The following ATXN1 variants were observed in gnomAD, a reference collection of about 807,000 sequenced individuals.
The protein encoded by ATXN1 is ataxin 1, also known as ataxin-1.
Under a neutral mutation model 56.4 loss-of-function variants are expected in ATXN1, and 8 were observed. That is an observed-to-expected ratio of 0.14 (90% CI 0.08 to 0.26). The LOEUF is 0.26. Among genes scored for constraint, ATXN1 ranks in the 10% least tolerant of loss-of-function variants. The pLI is 1.00. For synonymous variants in ATXN1, 514 were observed against 494.6 expected (o/e 1.04, Z -0.52); for missense variants, 987 against 1,106.5 (o/e 0.89, Z 1.53).
At chr6:16,409,676 C>T (rs1462280268) in intron 6 of ATXN1, among the ~76,000 whole-genome samples, 1 of 148,938 alleles carries the variant, frequency 6.7e-6, no homozygotes, top group African/African-American at 2.5e-5. Context: ...AAAAAGAACT[C>T]GACTTGCCGT....
chr6:16,550,682 T>G (rs11754856), intron 4 of ATXN1, among the ~76,000 whole-genome samples: 18,507 of 152,190 alleles, frequency 0.12, 1,176 homozygotes, highest in African/African-American at 0.15. Context: ...ACACAGCTAA[T>G]AAACCACAGA....
At chr6:16,703,570 A>G (rs1581379094) in intron 2 of ATXN1, among the ~76,000 whole-genome samples, 1 of 152,214 alleles carries the variant, frequency 6.6e-6, no homozygotes, top group East Asian at 1.9e-4. Flanking sequence ...CATGTAAACA[A>G]AAGACTTGGA....
At chr6:16,474,666 T>C (rs571623566) in intron 6 of ATXN1, among the ~76,000 whole-genome samples, 1 of 152,344 alleles carries the variant, frequency 6.6e-6, no homozygotes, top group South Asian at 2.1e-4. Context: ...AAAGCTTCCC[T>C]GATCCCAGAA....
chr6:16,518,032 G>T lies in ATXN1; in HGVS notation c.-299+4595C>A, dbSNP rs555123382. Among the ~76,000 whole-genome samples, 114 of 152,320 alleles carry T rather than the reference G, an allele frequency of 7.5e-4. No individual in the cohort carries two copies. In the Middle Eastern group the frequency reaches 0.01, roughly 14 times the overall value. ...TGGGATACATGCAGTCCATGAGACC[G>T]ACAAGGCTTTTGCTTCCACTGAGCT... On this transcript the variant is annotated intron_variant, in intron 5 of 7. Coordinates refer to ENST00000436367, the MANE Select transcript of ATXN1 (RefSeq NM_001128164.2).
chr6:16,673,018 G>A (rs866508928), intron 2 of ATXN1, among the ~76,000 whole-genome samples: 4 of 26,722 alleles, frequency 1.5e-4, no homozygotes, highest in African/African-American at 4.1e-4. Flanking sequence ...GTTCCCCCCC[G>A]CCAAAAAAAA....
intron 2 of ATXN1, among the ~76,000 whole-genome samples, chr6:16,684,118 T>C (rs1002171640): frequency 2.6e-5 from 4 of 152,214 alleles, no homozygotes; most frequent in Admixed American, 6.5e-5. Flanking sequence ...TCAGGGACTA[T>C]TGTCAAACCT....
chr6:16,390,680 TCA>T (rs57705650), intron 6 of ATXN1, among the ~76,000 whole-genome samples: 155 of 146,938 alleles, frequency 1.1e-3, no homozygotes, highest in East Asian at 2.0e-3. Flanking sequence ...AATAAACACA[TCA>T]CACACACACA....
intron 3 of ATXN1, among the ~76,000 whole-genome samples, chr6:16,607,559 C>T (rs1445584108): frequency 2.0e-5 from 3 of 152,064 alleles, no homozygotes; most frequent in Admixed American, 2.0e-4. Flanking sequence ...GTGGGAAATC[C>T]AAAGGGAAGT....
intron 1 of ATXN1, among the ~76,000 whole-genome samples, chr6:16,755,325 C>T (rs1312102831): frequency 6.6e-6 from 1 of 152,124 alleles, no homozygotes; most frequent in Non-Finnish European, 1.5e-5. Flanking sequence ...CAAGGCAGCA[C>T]GTATTCACTG....
At chr6:16,331,163 G>T (rs1370465655) in intron 6 of ATXN1, among the ~76,000 whole-genome samples, 1 of 152,096 alleles carries the variant, frequency 6.6e-6, no homozygotes, top group East Asian at 1.9e-4. Context: ...GCCATGCCTG[G>T]CTAATTTTTG....
chr6:16,620,126 C>T (rs897853462), intron 3 of ATXN1, among the ~76,000 whole-genome samples: 1 of 152,084 alleles, frequency 6.6e-6, no homozygotes, highest in Non-Finnish European at 1.5e-5. Flanking sequence ...AATAACCCCC[C>T]TCAACCAAAC....
At chr6:16,614,320 G>A (rs1314969794) in intron 3 of ATXN1, among the ~76,000 whole-genome samples, 5 of 151,158 alleles carry the variant, frequency 3.3e-5, no homozygotes, top group African/African-American at 1.2e-4. Flanking sequence ...TCTCTTTTAT[G>A]GGTTGCCATT....
chr6:16,662,394 G>A (rs1436773446), intron 2 of ATXN1, among the ~76,000 whole-genome samples: 1 of 151,946 alleles, frequency 6.6e-6, no homozygotes, highest in Non-Finnish European at 1.5e-5. Context: ...GTACAATGGT[G>A]TGGTCTCAGC....
At chr6:16,578,124 C>T (rs1388712453) in intron 4 of ATXN1, among the ~76,000 whole-genome samples, 1 of 152,092 alleles carries the variant, frequency 6.6e-6, no homozygotes, top group Non-Finnish European at 1.5e-5. Context: ...ATTACATAAA[C>T]ATTTTATGTG....
At chr6:16,709,707 T>A (rs1759482694) in intron 2 of ATXN1, among the ~76,000 whole-genome samples, 2 of 152,120 alleles carry the variant, frequency 1.3e-5, no homozygotes, top group Admixed American at 1.3e-4. Context: ...ACGAATACAT[T>A]TTATATAATC....
chr6:16,661,677 G>A (rs1481944374), intron 2 of ATXN1, among the ~76,000 whole-genome samples: 1 of 152,196 alleles, frequency 6.6e-6, no homozygotes, highest in Non-Finnish European at 1.5e-5. Context: ...CATGAAGATG[G>A]TGGCTTCCAT....
At chr6:16,380,492 A>T (rs555793502) in intron 6 of ATXN1, among the ~76,000 whole-genome samples, 44 of 144,948 alleles carry the variant, frequency 3.0e-4, no homozygotes, top group South Asian at 1.3e-3. Flanking sequence ...TTTTTTTTTT[A>T]AAAGCCTTCT....
chr6:16,741,536 C>T (rs533081950), intron 2 of ATXN1, among the ~76,000 whole-genome samples: 2 of 152,304 alleles, frequency 1.3e-5, no homozygotes, highest in Non-Finnish European at 2.9e-5. Context: ...AAATTAAGTG[C>T]ACCCTTCAGA....
intron 6 of ATXN1, among the ~76,000 whole-genome samples, chr6:16,471,745 T>C (rs1338259728): frequency 2.0e-5 from 3 of 152,034 alleles, no homozygotes; most frequent in Non-Finnish European, 4.4e-5. Context: ...CATTGTAATA[T>C]ACAGGGAGTT....
Sources: gnomAD v4.1 joint callset for allele counts (sites outside exome capture counted in the v4.1 genomes callset) on GRCh38, gnomAD v4.1.1 for gene constraint, MANE v1.5 for transcripts, NCBI Gene and HGNC (gene_info 2026-07-23, HGNC 2026-07-21) for gene names.